GPR39: variants seen among roughly 807,000 people sequenced by gnomAD.
The protein encoded by GPR39 is G protein-coupled receptor 39.
Under a neutral mutation model 18.4 loss-of-function variants are expected in GPR39, and 23 were observed. The observed-to-expected ratio is 1.25, with a 90% CI of 0.90 to 1.77. The LOEUF (loss-of-function observed/expected upper bound fraction) is 1.77, where lower values mean the gene tolerates loss of function less well. GPR39 is among the 40% of genes most tolerant of loss of function. The pLI is 0.00. For synonymous variants in GPR39, 280 were observed against 257.9 expected, an observed-to-expected ratio of 1.09 and a Z score of -0.82; for missense variants, 647 against 602.4, an observed-to-expected ratio of 1.07 and a Z score of -0.78.
chr2:132,633,694 G>A (rs886331434), intron 1 of GPR39, among the ~76,000 whole-genome samples: 8 of 152,044 alleles, frequency 5.3e-5, no homozygotes, highest in African/African-American at 2.4e-5. Context: ...AGATAATGAC[G>A]ACAAAGGAAG....
At chr2:132,500,713 C>CT (rs1227631231) in intron 1 of GPR39, among the ~76,000 whole-genome samples, 1 of 151,970 alleles carries the variant, frequency 6.6e-6, no homozygotes, top group African/African-American at 2.4e-5. Context: ...TAGTCCTGGA[C>CT]TTTTTTTGTT....
At chr2:132,549,139 A>G (rs1573660533) in intron 1 of GPR39, among the ~76,000 whole-genome samples, 1 of 152,178 alleles carries the variant, frequency 6.6e-6, no homozygotes, top group Admixed American at 6.5e-5. Flanking sequence ...CATAGGCAGG[A>G]GCAGAGCCTT....
At chr2:132,417,953 C>T in intron 1 of GPR39, 55 bp downstream of exon 1, 1 of 1,523,800 alleles carries the variant, frequency 6.6e-7, no homozygotes, top group Non-Finnish European at 8.8e-7. Flanking sequence ...TCCCCCACGA[C>T]CCGTGCCACT....
intron 1 of GPR39, among the ~76,000 whole-genome samples, chr2:132,615,127 C>G (rs143716433): frequency 6.6e-6 from 1 of 152,224 alleles, no homozygotes; most frequent in African/African-American, 2.4e-5. Context: ...TTTAAGTTTT[C>G]AGACACCACG....
chr2:132,582,362 C>T (rs1460085954), intron 1 of GPR39, among the ~76,000 whole-genome samples: 1 of 152,214 alleles, frequency 6.6e-6, no homozygotes, highest in Non-Finnish European at 1.5e-5. Flanking sequence ...GGGGGAAGGA[C>T]TTGGATAATG....
chr2:132,445,654 G>A (rs771379634), intron 1 of GPR39, among the ~76,000 whole-genome samples: 2 of 137,090 alleles, frequency 1.5e-5, no homozygotes, highest in Non-Finnish European at 3.3e-5. Flanking sequence ...TTGTGTCTTC[G>A]CTTCTATGAC....
intron 1 of GPR39, among the ~76,000 whole-genome samples, chr2:132,451,552 A>G (rs912313304): frequency 3.9e-5 from 6 of 152,150 alleles, no homozygotes; most frequent in Admixed American, 3.3e-4. Context: ...TTATTATATG[A>G]CATGGGCTTG....
chr2:132,427,932 A>G, intron 1 of GPR39, among the ~76,000 whole-genome samples: 1 of 146,406 alleles, frequency 6.8e-6, no homozygotes, highest in East Asian at 2.0e-4. Context: ...TATATATTAT[A>G]TATAGTTATA....
chr2:132,544,552 C>T (rs532363911), intron 1 of GPR39, among the ~76,000 whole-genome samples: 4 of 152,208 alleles, frequency 2.6e-5, no homozygotes, highest in African/African-American at 9.6e-5. Flanking sequence ...TCACTCTGCC[C>T]CAGGCTTGCT....
chr2:132,621,831 G>A (rs1428244598), intron 1 of GPR39, among the ~76,000 whole-genome samples: 1 of 152,214 alleles, frequency 6.6e-6, no homozygotes, highest in African/African-American at 2.4e-5. Flanking sequence ...CTTGGGCAAT[G>A]CAATACATTG....
At chr2:132,633,335 C>CCT (rs1261207583) in intron 1 of GPR39, among the ~76,000 whole-genome samples, 1 of 118,628 alleles carries the variant, frequency 8.4e-6, no homozygotes, top group Admixed American at 9.4e-5. Context: ...ACTCCAAATA[C>CCT]CTCTGTGTGT....
At chr2:132,641,305 A>C (rs1196301080) in intron 1 of GPR39, among the ~76,000 whole-genome samples, 1 of 152,210 alleles carries the variant, frequency 6.6e-6, no homozygotes, top group African/African-American at 2.4e-5. Context: ...GAGAATGCAT[A>C]CTCAGAGATT....
intron 1 of GPR39, among the ~76,000 whole-genome samples, chr2:132,487,005 T>C (rs1187879338): frequency 6.6e-6 from 1 of 152,202 alleles, no homozygotes; most frequent in Non-Finnish European, 1.5e-5. Flanking sequence ...TTTCATTTGA[T>C]CAATTAGAGG....
At chr2:132,625,504 C>T (rs1375275727) in intron 1 of GPR39, among the ~76,000 whole-genome samples, 1 of 152,094 alleles carries the variant, frequency 6.6e-6, no homozygotes, top group African/African-American at 2.4e-5. Flanking sequence ...CTTGACTTCT[C>T]GGCACATAGT....
At chr2:132,493,505 C>CATAT (rs5834316) in intron 1 of GPR39, among the ~76,000 whole-genome samples, 8 of 130,570 alleles carry the variant, frequency 6.1e-5, no homozygotes, top group African/African-American at 1.3e-4. Context: ...ATATATACAC[C>CATAT]ATATATATAT....
chr2:132,558,096 A>C lies in GPR39; in HGVS notation c.857-87005A>C, dbSNP rs368631638. Among the ~76,000 whole-genome samples, 43 of 152,236 alleles carry C rather than the reference A, an allele frequency of 2.8e-4. 1 individual carries two copies. The East Asian group carries it at 7.3e-3, about 26-fold the overall frequency. On this transcript the variant is annotated intron_variant, in intron 1 of 1. Transcript: ENST00000329321. ...ATACGTTCTCAGAAAAATGGGACTCATGCTGATCCAGTGCAATAATAACAA... is the reference window on the plus strand; with the variant it reads ...ATACGTTCTCAGAAAAATGGGACTCCTGCTGATCCAGTGCAATAATAACAA...
intron 1 of GPR39, among the ~76,000 whole-genome samples, chr2:132,426,347 T>C (rs1461046951): frequency 6.6e-6 from 1 of 152,260 alleles, no homozygotes; most frequent in Non-Finnish European, 1.5e-5. Flanking sequence ...TTCAGAATGC[T>C]GATGCCTTGA....
intron 1 of GPR39, among the ~76,000 whole-genome samples, chr2:132,565,408 T>TTA (rs1383026660): frequency 1.3e-5 from 2 of 151,706 alleles, no homozygotes; most frequent in African/African-American, 4.8e-5. Context: ...TTTTTTTTTT[T>TTA]TTTTATTATA....
intron 1 of GPR39, among the ~76,000 whole-genome samples, chr2:132,437,572 C>T (rs529927451): frequency 1.3e-5 from 2 of 152,308 alleles, no homozygotes; most frequent in South Asian, 4.1e-4. Flanking sequence ...CTGCCCCACT[C>T]TCCTCTTCTA....
Sources: gnomAD v4.1 joint callset for allele counts (sites outside exome capture counted in the v4.1 genomes callset) on GRCh38, gnomAD v4.1.1 for gene constraint, MANE v1.5 for transcripts, NCBI Gene and HGNC (gene_info 2026-07-23, HGNC 2026-07-21) for gene names.